Variants in NEDD4L observed in about 807,000 individuals in gnomAD.
NEDD4L encodes the protein NEDD4 like E3 ubiquitin protein ligase.
NEDD4L carries 54 observed loss-of-function variants against 148.9 expected under a neutral mutation model. The ratio of observed to expected loss-of-function variants is 0.36; its 90% confidence interval spans 0.29 to 0.45. The LOEUF is 0.45. Among genes scored for constraint, NEDD4L ranks in the 20% least tolerant of loss-of-function variants. The probability of loss-of-function intolerance (pLI) is 1.00; values close to 1 mark genes in which losing one functional copy is unlikely to be tolerated. For synonymous variants in NEDD4L, 433 were observed against 440.7 expected (o/e 0.98, Z 0.22); for missense variants, 856 against 1,233.8 (o/e 0.69, Z 4.59).
intron 1 of NEDD4L, among the ~76,000 whole-genome samples, chr18:58,135,497 A>G (rs773322157): frequency 1.3e-5 from 2 of 152,322 alleles, no homozygotes; most frequent in African/African-American, 2.4e-5. Flanking sequence ...TAACCTTGAC[A>G]TGTAGGTCAC....
At chr18:58,245,693 TTTTTTG>T in intron 3 of NEDD4L, among the ~76,000 whole-genome samples, 185 bp downstream of exon 3, 1 of 143,614 alleles carries the variant, frequency 7.0e-6, no homozygotes. Context: ...TTTTTTTTTT[TTTTTTG>T]AGATGGAGTC....
chr18:58,324,478 T>C (rs1271423599), intron 8 of NEDD4L, among the ~76,000 whole-genome samples: 1 of 152,198 alleles, frequency 6.6e-6, no homozygotes, highest in Admixed American at 6.5e-5. Flanking sequence ...CCCACCTCCC[T>C]GGGGAGCAAC....
At chr18:58,119,689 C>T (rs752842804) in intron 1 of NEDD4L, among the ~76,000 whole-genome samples, 2 of 152,248 alleles carry the variant, frequency 1.3e-5, no homozygotes, top group Non-Finnish European at 2.9e-5. Flanking sequence ...CCCTGTGTAA[C>T]TGTCCAGTTC....
At chr18:58,127,805 C>T (rs1270821212) in intron 1 of NEDD4L, among the ~76,000 whole-genome samples, 8 of 140,648 alleles carry the variant, frequency 5.7e-5, no homozygotes, top group Non-Finnish European at 1.5e-5. Flanking sequence ...AGTGCCACTG[C>T]ACTCCAGCCT....
chr18:58,245,604 G>A, intron 3 of NEDD4L, 96 bp downstream of exon 3: 2 of 602,864 alleles, frequency 3.3e-6, no homozygotes, highest in South Asian at 4.9e-5. Context: ...GTCAAGGATG[G>A]ACTACTTACA....
chr18:58,300,816 T>C (rs1010346209), intron 5 of NEDD4L, among the ~76,000 whole-genome samples: 1 of 152,224 alleles, frequency 6.6e-6, no homozygotes, highest in African/African-American at 2.4e-5. Flanking sequence ...CTCTGTCTGC[T>C]TTACTAGATT....
At chr18:58,326,198 G>A (rs552184322) in intron 9 of NEDD4L, among the ~76,000 whole-genome samples, 1 of 152,286 alleles carries the variant, frequency 6.6e-6, no homozygotes, top group Non-Finnish European at 1.5e-5. Context: ...TCTGGTCTAG[G>A]TTTTGTTTAA....
intron 18 of NEDD4L, among the ~76,000 whole-genome samples, chr18:58,355,276 C>T (rs1281092551): frequency 6.6e-6 from 1 of 152,144 alleles, no homozygotes; most frequent in African/African-American, 2.4e-5. Context: ...TGGTCCGGGA[C>T]CACCAGAGTG....
chr18:58,196,443 C>T (rs959669980), intron 2 of NEDD4L, among the ~76,000 whole-genome samples: 2 of 152,156 alleles, frequency 1.3e-5, no homozygotes, highest in Admixed American at 6.5e-5. Context: ...TATGGATAAA[C>T]GTGCAGTTAG....
chr18:58,389,358 G>A (rs769807317), intron 28 of NEDD4L, 166 bp downstream of exon 28: 17 of 555,514 alleles, frequency 3.1e-5, no homozygotes, highest in South Asian at 1.0e-4. Flanking sequence ...CAGCAGCCCC[G>A]TGGTGGCTCC....
rs549088562 is a variant in NEDD4L, at chr18:58,364,357, A to T, written c.1833+24A>T. 2.0e-6 allele frequency: 3 copies of T among 1,491,450 alleles called. No homozygotes were observed. In the South Asian group the frequency reaches 3.7e-5, roughly 19 times the overall value. 92.4% of individuals were successfully genotyped at this position (1,491,450 alleles called of 1,614,324 possible). A position where few individuals can be genotyped will look rare whatever the true frequency, so the allele number is the denominator to read the frequency against. On this transcript the variant is annotated intron_variant, in intron 20 of 30. Transcript: ENST00000400345. ...CTGTGAGTAATCATGCCTTCCAAAAATGCTTTGTGTTAGTCATTTGTAAGT... is the reference window on the plus strand; with the variant it reads ...CTGTGAGTAATCATGCCTTCCAAAATTGCTTTGTGTTAGTCATTTGTAAGT...
Position 58,400,664 on chromosome 18 carries a change from T to G in NEDD4L, c.*4395T>G, listed in dbSNP as rs2147189606. The stretch of plus-strand genomic sequence containing the variant: ...TCTTTCCGTTCGTTGGTTTTCTGTG[T>G]GTAAGGAGTAGCATTGCTGTTGGCG... On this transcript the variant is annotated 3_prime_UTR_variant, in exon 31 of 31. Coordinates refer to ENST00000400345, the MANE Select transcript of NEDD4L (RefSeq NM_001144967.3). 1 of 152,352 alleles carries G rather than the reference T, an allele frequency of 6.6e-6. No individual in the cohort carries two copies. Among genetic ancestry groups the G allele is most frequent in the South Asian group, 2.1e-4 (1 of 4,830 alleles). The allele number at this position is 152,352 out of a possible 1,614,324, so 9.4% of individuals were successfully genotyped here.
At chr18:58,215,676 CTAAT>C (rs2043087834) in intron 2 of NEDD4L, among the ~76,000 whole-genome samples, 2 of 151,870 alleles carry the variant, frequency 1.3e-5, no homozygotes, top group Non-Finnish European at 2.9e-5. Context: ...TTTCCCCACT[CTAAT>C]TGTGAAAATT....
chr18:58,127,776 G>C (rs1410878398), intron 1 of NEDD4L, among the ~76,000 whole-genome samples: 1 of 140,642 alleles, frequency 7.1e-6, no homozygotes, highest in Non-Finnish European at 1.5e-5. Context: ...GGGAGGCGGA[G>C]TTTGCAGTGA....
intron 12 of NEDD4L, 56 bp downstream of exon 12, chr18:58,333,948 C>T: frequency 8.9e-7 from 1 of 1,124,310 alleles, no homozygotes; most frequent in African/African-American, 1.6e-5. Flanking sequence ...CATTTACAAT[C>T]ATCTGGGCTG....
chr18:58,063,477 TG>T (rs1169873263), intron 1 of NEDD4L, among the ~76,000 whole-genome samples: 1 of 152,238 alleles, frequency 6.6e-6, no homozygotes, highest in Admixed American at 6.5e-5. Context: ...ATTGTGCTTA[TG>T]TTTTTTTCTT....
chr18:58,237,852 C>G (rs1331868162), intron 2 of NEDD4L, among the ~76,000 whole-genome samples: 1 of 152,162 alleles, frequency 6.6e-6, no homozygotes, highest in Non-Finnish European at 1.5e-5. Context: ...TTGGGACCCT[C>G]AAGTGACTAG....
chr18:58,367,009 T>A (rs978570015), intron 21 of NEDD4L: 1 of 152,302 alleles, frequency 6.6e-6, no homozygotes, highest in East Asian at 1.9e-4. Flanking sequence ...AATTGATTTG[T>A]TGTTACTGAG....
At position 58,385,830 on chromosome 18, in the gene NEDD4L, T is replaced by G. The variant is rs116252620; in HGVS notation, c.2487+244T>G. On this transcript the variant is annotated intron_variant, in intron 26 of 30. Coordinates refer to ENST00000400345, the MANE Select transcript of NEDD4L (RefSeq NM_001144967.3). ...GGTTCTCCTGCTTGACTTCTCTTAT[T>G]TTTACATTTGTCCTGTTTTTAAAGA... Among the ~76,000 whole-genome samples, 2,214 of 151,986 alleles carry G rather than the reference T, an allele frequency of 0.015. 55 individuals carry two copies. The highest frequency in any genetic ancestry group is 0.051 in the African/African-American group (2,121 of 41,418).
Sources: allele counts gnomAD v4.1 joint callset (sites outside exome capture counted in the v4.1 genomes callset), GRCh38; gene constraint gnomAD v4.1.1; transcripts MANE v1.5; gene names NCBI Gene and HGNC (gene_info 2026-07-23, HGNC 2026-07-21).